ADARB2: variants seen among roughly 807,000 people sequenced by gnomAD.
ADARB2 encodes inactive double-stranded RNA-specific editase B2.
A neutral mutation model predicts 62.2 loss-of-function variants in ADARB2; 25 were observed. The observed-to-expected ratio is 0.40, with a 90% CI of 0.29 to 0.56. ADARB2 has a LOEUF of 0.56. Among genes scored for constraint, ADARB2 ranks in the 20% least tolerant of loss-of-function variants. The probability of loss-of-function intolerance (pLI) is 0.43; values close to 1 mark genes in which losing one functional copy is unlikely to be tolerated. For synonymous variants in ADARB2, 572 were observed against 500.8 expected (o/e 1.14, Z -1.90); for missense variants, 1,071 against 1,077.4 (o/e 0.99, Z 0.08).
At chr10:1,583,548 A>G (rs35430181) in intron 1 of ADARB2, among the ~76,000 whole-genome samples, 27,525 of 152,090 alleles carry the variant, frequency 0.18, 2,961 homozygotes, top group East Asian at 0.39. Context: ...ATCATGTACA[A>G]GATATGAGGA....
intron 1 of ADARB2, among the ~76,000 whole-genome samples, chr10:1,509,472 A>T (rs1831894159): frequency 6.6e-6 from 1 of 152,182 alleles, no homozygotes; most frequent in Non-Finnish European, 1.5e-5. Context: ...ATTGGAAATG[A>T]TATTCACCCG....
intron 3 of ADARB2, chr10:1,290,880 G>C (rs1831460031): frequency 6.6e-6 from 1 of 152,076 alleles, no homozygotes; most frequent in African/African-American, 2.4e-5. Context: ...CTGTTTTTTT[G>C]TGAAACTGGT....
intron 1 of ADARB2, among the ~76,000 whole-genome samples, chr10:1,538,565 C>T (rs540286102): frequency 6.6e-6 from 1 of 152,322 alleles, no homozygotes; most frequent in South Asian, 2.1e-4. Flanking sequence ...CTGACCCAGA[C>T]CTGCGGGAAG....
chr10:1,302,935 G>T (rs919410230), intron 3 of ADARB2, among the ~76,000 whole-genome samples: 2 of 152,156 alleles, frequency 1.3e-5, no homozygotes, highest in East Asian at 3.9e-4. Flanking sequence ...GGAAAAAACA[G>T]AACAGAAAAA....
At chr10:1,205,980 T>G (rs1476310332) in intron 7 of ADARB2, among the ~76,000 whole-genome samples, 2 of 131,500 alleles carry the variant, frequency 1.5e-5, no homozygotes, top group African/African-American at 5.9e-5. Flanking sequence ...GTCAGGTGGG[T>G]GTCACGGGGC....
chr10:1,515,607 G>C (rs1052324364), intron 1 of ADARB2, among the ~76,000 whole-genome samples: 2 of 152,224 alleles, frequency 1.3e-5, no homozygotes, highest in Admixed American at 6.5e-5. Flanking sequence ...CCCGTTCTTG[G>C]AGCACTGGTC....
At chr10:1,651,254 T>A (rs956732080) in intron 1 of ADARB2, among the ~76,000 whole-genome samples, 1 of 152,246 alleles carries the variant, frequency 6.6e-6, no homozygotes, top group Admixed American at 6.5e-5. Flanking sequence ...GGAACCACCC[T>A]GTGCTTAAAT....
At chr10:1,608,163 G>T (rs1231670677) in intron 1 of ADARB2, among the ~76,000 whole-genome samples, 2 of 152,222 alleles carry the variant, frequency 1.3e-5, no homozygotes, top group Non-Finnish European at 2.9e-5. Context: ...TAGTATAAAA[G>T]TCTGTGCCAA....
At chr10:1,332,651 T>G (rs1404324172) in intron 3 of ADARB2, among the ~76,000 whole-genome samples, 1 of 151,984 alleles carries the variant, frequency 6.6e-6, no homozygotes, top group Non-Finnish European at 1.5e-5. Context: ...CAAAGAGAAT[T>G]CCCCATGTGC....
intron 1 of ADARB2, among the ~76,000 whole-genome samples, chr10:1,723,275 G>C (rs892791954): frequency 1.3e-5 from 2 of 152,212 alleles, no homozygotes; most frequent in African/African-American, 2.4e-5. Context: ...ATTGCCCAGA[G>C]AACATCTGCT....
chr10:1,724,774 T>C (rs909387808), intron 1 of ADARB2, among the ~76,000 whole-genome samples: 6 of 152,288 alleles, frequency 3.9e-5, no homozygotes, highest in African/African-American at 1.4e-4. Flanking sequence ...GGAGAGAGGA[T>C]GTAACCTAGG....
rs1318652652 is a variant in ADARB2, at chr10:1,199,841, A to G, written c.1864+125T>C. The G allele has an allele frequency of 2.8e-6, 3 of 1,068,458 alleles. No homozygotes were observed. The African/African-American group carries it at 4.7e-5, about 17-fold the overall frequency. 66.2% of individuals were successfully genotyped at this position (1,068,458 alleles called of 1,614,324 possible). A position where few individuals can be genotyped will look rare whatever the true frequency, so the allele number is the denominator to read the frequency against. On this transcript the variant is annotated intron_variant, in intron 8 of 9. Coordinates refer to ENST00000381312, the MANE Select transcript of ADARB2 (RefSeq NM_018702.4). ...TTTTTAAAATCGTAGGACTTTGCCC[A>G]TTAAATCCTAAATTGCCACTAGCCA... is the stretch of plus-strand genomic sequence containing the variant.
intron 1 of ADARB2, among the ~76,000 whole-genome samples, chr10:1,386,210 A>G (rs1263553635): frequency 6.6e-6 from 1 of 152,018 alleles, no homozygotes. Flanking sequence ...AAGATAAAAT[A>G]GAATACTAAA....
chr10:1,449,140 C>T (rs975110190), intron 1 of ADARB2, among the ~76,000 whole-genome samples: 2 of 152,202 alleles, frequency 1.3e-5, no homozygotes, highest in African/African-American at 2.4e-5. Context: ...AGGTCCCCCT[C>T]ACCCGAGTGA....
chr10:1,683,279 T>G (rs1834561296), intron 1 of ADARB2, among the ~76,000 whole-genome samples: 1 of 152,200 alleles, frequency 6.6e-6, no homozygotes, highest in East Asian at 1.9e-4. Context: ...TTCTGAGAAC[T>G]TTAAAAATGT....
intron 1 of ADARB2, among the ~76,000 whole-genome samples, chr10:1,502,410 T>C (rs1176909317): frequency 6.6e-6 from 1 of 152,248 alleles, no homozygotes; most frequent in Non-Finnish European, 1.5e-5. Context: ...ATCCTTGGTC[T>C]CTCAAAAGCA....
chr10:1,329,112 T>C (rs1831904506), intron 3 of ADARB2, among the ~76,000 whole-genome samples: 2 of 150,836 alleles, frequency 1.3e-5, no homozygotes, highest in African/African-American at 4.9e-5. Flanking sequence ...CACACCCCAG[T>C]GTGGGCAGCC....
chr10:1,595,105 AC>A (rs1473057103), intron 1 of ADARB2, among the ~76,000 whole-genome samples: 1 of 152,210 alleles, frequency 6.6e-6, no homozygotes, highest in Non-Finnish European at 1.5e-5. Context: ...TGAATGTCAT[AC>A]GGAAGCTGAG....
chr10:1,562,497 C>T (rs957352338), intron 1 of ADARB2, among the ~76,000 whole-genome samples: 6 of 152,310 alleles, frequency 3.9e-5, no homozygotes, highest in South Asian at 4.1e-4. Flanking sequence ...CAGGTATATG[C>T]GGTGCAGTCA....
Sources: gnomAD v4.1 joint callset for allele counts (sites outside exome capture counted in the v4.1 genomes callset) on GRCh38, gnomAD v4.1.1 for gene constraint, MANE v1.5 for transcripts, NCBI Gene and HGNC (gene_info 2026-07-23, HGNC 2026-07-21) for gene names.